The following LRCH3 variants were observed in gnomAD, a reference collection of about 807,000 sequenced individuals.
LRCH3 encodes DISP complex protein LRCH3.
LRCH3 carries 68 observed loss-of-function variants against 104.5 expected under a neutral mutation model. The observed-to-expected ratio is 0.65, with a 90% confidence interval of 0.54 to 0.80. The LOEUF (loss-of-function observed/expected upper bound fraction) is 0.80, where lower values mean the gene tolerates loss of function less well. LRCH3 is among the 30% of genes least tolerant of loss of function. The pLI, the probability that LRCH3 is intolerant of heterozygous loss-of-function variation, is 0.00. For missense variants in LRCH3, 951 were observed against 953.9 expected (o/e 1.00, Z 0.04); for synonymous variants, 344 against 361.3 (o/e 0.95, Z 0.54).
intron 10 of LRCH3, among the ~76,000 whole-genome samples, chr3:197,840,494 G>T (rs560540779): frequency 2.0e-5 from 3 of 152,178 alleles, no homozygotes; most frequent in Non-Finnish European, 4.4e-5. Flanking sequence ...AAATTAGCTT[G>T]ATCGTTTAGA....
rs1252102997 is a variant in LRCH3, at chr3:197,791,354, C to T, written c.76C>T (p.Pro26Ser). 4.4e-6 allele frequency: 7 copies of T among 1,606,278 alleles called. No homozygotes were observed. The highest frequency in any genetic ancestry group is 2.2e-5 in the East Asian group (1 of 44,458). The part of the protein sequence containing the change: ...SGTVASGGNL[P>S]GVHCGPSSGA... ...CACGGTAGCGTCGGGAGGTAACCTCCCTGGTGTTCACTGCGGCCCAAGCTC... is the reference window on the plus strand; with the variant it reads ...CACGGTAGCGTCGGGAGGTAACCTCTCTGGTGTTCACTGCGGCCCAAGCTC... Residue 26 changes from proline (P) to serine (S), a missense_variant, in exon 1 of 21, where the codon CCT becomes TCT. By Grantham distance (74) the Pro-to-Ser change is moderately conservative. Coordinates refer to ENST00000425562, the MANE Select transcript of LRCH3 (RefSeq NM_001365715.1).
intron 11 of LRCH3, 137 bp from the exon 12 acceptor site, chr3:197,847,735 A>G (rs147296056): frequency 1.6e-5 from 4 of 244,010 alleles, no homozygotes; most frequent in Non-Finnish European, 2.1e-5. Context: ...TTAGCCAATA[A>G]ACACATTTCA....
At chr3:197,821,982 T>A (rs1268774485) in intron 4 of LRCH3, among the ~76,000 whole-genome samples, 2 of 152,218 alleles carry the variant, frequency 1.3e-5, no homozygotes, top group East Asian at 3.8e-4. Context: ...CCACAATACA[T>A]GTTGAATTAA....
intron 17 of LRCH3, among the ~76,000 whole-genome samples, chr3:197,867,707 T>C (rs1210715320): frequency 6.8e-6 from 1 of 147,484 alleles, no homozygotes; most frequent in African/African-American, 2.5e-5. Flanking sequence ...CAAAAAAAAT[T>C]AGCCAGGCAT....
rs1364247013 is a variant in LRCH3, at chr3:197,808,362, C to G, written c.263-6546C>G. Among the ~76,000 whole-genome samples, 3 of 152,250 alleles carry G rather than the reference C, an allele frequency of 2.0e-5. No homozygotes were observed. The East Asian group carries it at 5.8e-4, about 29-fold the overall frequency. ...ACATTTGTATCGTTTCAGCTGCCCA[C>G]TGTGTGGTATTTTATTGTGGCAGCT... On this transcript the variant is annotated intron_variant, in intron 1 of 20. Transcript: ENST00000425562.
intron 11 of LRCH3, among the ~76,000 whole-genome samples, 168 bp downstream of exon 11, chr3:197,847,628 C>T (rs918337243): frequency 6.0e-4 from 2 of 3,352 alleles, no homozygotes; most frequent in Non-Finnish European, 1.1e-3. Context: ...TGTTTTTAGA[C>T]ACTAGATAGA....
At chr3:197,808,093 G>A (rs1401901854) in intron 1 of LRCH3, among the ~76,000 whole-genome samples, 2 of 152,178 alleles carry the variant, frequency 1.3e-5, no homozygotes, top group Non-Finnish European at 2.9e-5. Context: ...CAGTATCTGC[G>A]ATTGTGTTTG....
chr3:197,814,319 G>C, intron 1 of LRCH3, among the ~76,000 whole-genome samples: 1 of 152,178 alleles, frequency 6.6e-6, no homozygotes, highest in Non-Finnish European at 1.5e-5. Context: ...AGAATAACAC[G>C]GAAAAACCGG....
intron 20 of LRCH3, chr3:197,880,530 TCC>T (rs1713661133): frequency 6.5e-7 from 1 of 1,536,302 alleles, no homozygotes; most frequent in Admixed American, 2.0e-5. Context: ...TTGTTCCCCT[TCC>T]GACATCCTTC....
intron 9 of LRCH3, among the ~76,000 whole-genome samples, chr3:197,838,435 T>C (rs1737234747): frequency 7.0e-6 from 1 of 143,752 alleles, no homozygotes; most frequent in Non-Finnish European, 1.5e-5. Flanking sequence ...TACCTGTTTC[T>C]TGGAGGTAGA....
At chr3:197,879,976 C>T (rs181329747) in intron 20 of LRCH3, among the ~76,000 whole-genome samples, 3,127 of 149,188 alleles carry the variant, frequency 0.021, 48 homozygotes, top group Non-Finnish European at 0.031. Flanking sequence ...GACGGAGTCT[C>T]GCTCTGTCAC....
chr3:197,882,199 G>T (rs1713830622), intron 20 of LRCH3: 6 of 985,286 alleles, frequency 6.1e-6, no homozygotes, highest in Non-Finnish European at 7.2e-6. Context: ...GTGAACACCG[G>T]CCGCGCAGGT....
chr3:197,844,903 G>A (rs187430568), intron 10 of LRCH3, among the ~76,000 whole-genome samples: 250 of 152,248 alleles, frequency 1.6e-3, no homozygotes, highest in Middle Eastern at 6.8e-3. Flanking sequence ...GATTACAGGC[G>A]GGAGCCACTG....
intron 10 of LRCH3, among the ~76,000 whole-genome samples, chr3:197,843,084 TA>T (rs11292727): frequency 0.38 from 53,894 of 140,032 alleles, 10,883 homozygotes; most frequent in African/African-American, 0.52. Context: ...GACTCTGTCT[TA>T]AAAAAAAAAA....
At chr3:197,868,958 CTG>C (rs1711684046) in intron 17 of LRCH3, among the ~76,000 whole-genome samples, 1 of 152,140 alleles carries the variant, frequency 6.6e-6, no homozygotes, top group South Asian at 2.1e-4. Context: ...GTGTATTTTT[CTG>C]TGTATTAATT....
chr3:197,878,305 T>A (rs113230455), intron 20 of LRCH3, among the ~76,000 whole-genome samples: 338 of 152,322 alleles, frequency 2.2e-3, no homozygotes, highest in African/African-American at 4.9e-3. Flanking sequence ...TATTTCAGGA[T>A]GTTCCCACCA....
intron 2 of LRCH3, 81 bp from the exon 3 acceptor site, chr3:197,817,095 C>T: frequency 8.2e-7 from 1 of 1,225,760 alleles, no homozygotes; most frequent in East Asian, 2.8e-5. Flanking sequence ...TGTTATTTTA[C>T]TGAGTATAGC....
At chr3:197,832,447 A>C in intron 8 of LRCH3, 130 bp downstream of exon 8, 1 of 853,916 alleles carries the variant, frequency 1.2e-6, no homozygotes, top group Non-Finnish European at 1.7e-6. Flanking sequence ...ACTTCTTTTC[A>C]TATATGATTG....
At chr3:197,860,483 T>C (rs1740745201) in intron 15 of LRCH3, among the ~76,000 whole-genome samples, 1 of 152,170 alleles carries the variant, frequency 6.6e-6, no homozygotes, top group East Asian at 1.9e-4. Context: ...GGGAATACAA[T>C]TGAGGCCAGG....
Sources: gnomAD v4.1 joint callset for allele counts (sites outside exome capture counted in the v4.1 genomes callset) on GRCh38, gnomAD v4.1.1 for gene constraint, MANE v1.5 for transcripts, NCBI Gene and HGNC (gene_info 2026-07-23, HGNC 2026-07-21) for gene names.